Variants in DMD observed in about 807,000 individuals in gnomAD.
The protein encoded by DMD is dystrophin.
Under a neutral mutation model 330.1 loss-of-function variants are expected in DMD, and 63 were observed. The observed-to-expected ratio is 0.19, with a 90% CI of 0.16 to 0.24. The LOEUF (loss-of-function observed/expected upper bound fraction) is 0.24, where lower values mean the gene tolerates loss of function less well. DMD is among the 10% of genes least tolerant of loss of function. DMD has a pLI of 1.00. For missense variants in DMD, 3,344 were observed against 2,684.1 expected, an observed-to-expected ratio of 1.25 and a Z score of -5.43; for synonymous variants, 1,223 against 959.8, an observed-to-expected ratio of 1.27 and a Z score of -5.07.
At chrX:33,254,292 G>T (rs943768296) in intron 1 of DMD, among the ~76,000 whole-genome samples, 17 of 99,168 alleles carry the variant, frequency 1.7e-4, no homozygotes, top group African/African-American at 8.5e-4. Flanking sequence ...TTTTAAAAGA[G>T]ATTTTAAATA....
chrX:32,371,437 T>A (rs1310537964), intron 34 of DMD, among the ~76,000 whole-genome samples: 1 of 110,837 alleles, frequency 9.0e-6, no homozygotes, highest in Non-Finnish European at 1.9e-5. Flanking sequence ...AAATTTTTTT[T>A]TTCCAGAAAA....
intron 29 of DMD, among the ~76,000 whole-genome samples, chrX:32,422,766 C>A (rs2098195354): frequency 9.0e-6 from 1 of 110,910 alleles, no homozygotes; most frequent in African/African-American, 3.3e-5. Context: ...TTCCCTTTTC[C>A]ATTTATCATT....
intron 7 of DMD, among the ~76,000 whole-genome samples, chrX:32,729,271 C>T (rs1399721854): frequency 1.8e-5 from 2 of 111,533 alleles, no homozygotes; most frequent in Non-Finnish European, 3.8e-5. Flanking sequence ...ATCCAAAATC[C>T]AAAACACTTC....
chrX:32,546,904 G>A (rs1022515118), intron 16 of DMD, among the ~76,000 whole-genome samples: 1 of 111,634 alleles, frequency 9.0e-6, no homozygotes. Flanking sequence ...TGACCATTAC[G>A]TGATAAAATT....
At chrX:33,267,551 G>A (rs2053066331) in intron 1 of DMD, among the ~76,000 whole-genome samples, 1 of 110,283 alleles carries the variant, frequency 9.1e-6, no homozygotes, top group African/African-American at 3.3e-5. Flanking sequence ...GCATATAGCC[G>A]AAGCCATCCT....
rs771391138 is a variant in DMD, at chrX:31,332,829, A to G, written c.9164-9171T>C. On this transcript the variant is annotated intron_variant, in intron 61 of 78. Transcript: ENST00000357033. ...CGCTCGATACTTTTTAAAAATTCCAACTCCTACGTTTATAATTATTTTCAT... is the reference window on the plus strand; with the variant it reads ...CGCTCGATACTTTTTAAAAATTCCAGCTCCTACGTTTATAATTATTTTCAT... 7.2e-5 allele frequency among the ~76,000 whole-genome samples: 8 copies of G among 111,282 alleles called. No homozygotes were observed. In the East Asian group the frequency reaches 2.2e-3, roughly 31 times the overall value.
chrX:33,280,613 G>A (rs1006833411), intron 1 of DMD, among the ~76,000 whole-genome samples: 1 of 111,719 alleles, frequency 9.0e-6, no homozygotes, highest in Non-Finnish European at 1.9e-5. Flanking sequence ...ATTGATGTTT[G>A]TTATTTGATT....
chrX:32,039,125 A>AG (rs1170628404), intron 44 of DMD, among the ~76,000 whole-genome samples: 1 of 110,869 alleles, frequency 9.0e-6, no homozygotes, highest in South Asian at 3.9e-4. Flanking sequence ...AATGTAAAGG[A>AG]GGGGGGGATA....
At chrX:33,222,515 T>C (rs1035856683) in intron 1 of DMD, among the ~76,000 whole-genome samples, 2 of 112,492 alleles carry the variant, frequency 1.8e-5, no homozygotes, top group Non-Finnish European at 3.8e-5. Context: ...ACCACTCTTA[T>C]TCACGTACTG....
intron 1 of DMD, among the ~76,000 whole-genome samples, chrX:33,173,704 C>T (rs899005474): frequency 3.5e-4 from 39 of 110,410 alleles, no homozygotes; most frequent in African/African-American, 1.2e-3. Flanking sequence ...GCAATCCAAG[C>T]AAGATGGATA....
chrX:32,262,669 A>C (rs2097328092), intron 43 of DMD, among the ~76,000 whole-genome samples: 1 of 111,082 alleles, frequency 9.0e-6, no homozygotes, highest in Non-Finnish European at 1.9e-5. Flanking sequence ...ACCAATTACA[A>C]ATGAAGCATT....
chrX:31,231,616 G>A (rs1450207953), intron 63 of DMD, among the ~76,000 whole-genome samples: 2 of 112,424 alleles, frequency 1.8e-5, no homozygotes, highest in Admixed American at 9.4e-5. Context: ...GCGGTGGCTC[G>A]CGCCTGTAAT....
intron 43 of DMD, among the ~76,000 whole-genome samples, chrX:32,262,367 A>G (rs1017510790): frequency 4.5e-5 from 5 of 111,424 alleles, no homozygotes; most frequent in African/African-American, 1.6e-4. Flanking sequence ...GGCAGGAGAG[A>G]GTGATTACCG....
intron 9 of DMD, 106 bp from the exon 10 acceptor site, chrX:32,645,258 C>T: frequency 1.1e-6 from 1 of 870,465 alleles, no homozygotes; most frequent in South Asian, 2.4e-5. Flanking sequence ...TAGGACTGTC[C>T]ACTGGCATTA....
At chrX:31,922,751 G>A (rs2094712696) in intron 47 of DMD, among the ~76,000 whole-genome samples, 1 of 111,505 alleles carries the variant, frequency 9.0e-6, no homozygotes, top group South Asian at 3.8e-4. Context: ...GAAAAAACAC[G>A]GTTAGAAAGA....
chrX:31,281,603 A>C (rs1353259529), intron 62 of DMD, among the ~76,000 whole-genome samples: 12 of 111,822 alleles, frequency 1.1e-4, no homozygotes, highest in Non-Finnish European at 2.3e-4. Context: ...ATATGACATC[A>C]CCAATCCCTT....
chrX:31,603,299 C>G (rs1603420282), intron 55 of DMD, among the ~76,000 whole-genome samples: 2 of 111,104 alleles, frequency 1.8e-5, no homozygotes, highest in African/African-American at 6.6e-5. Flanking sequence ...GTTTATTGTG[C>G]AGCAAAATGG....
intron 1 of DMD, among the ~76,000 whole-genome samples, chrX:33,039,661 C>T (rs1366993093): frequency 4.5e-5 from 5 of 111,134 alleles, no homozygotes; most frequent in Admixed American, 9.6e-5. Context: ...TTATCTACTA[C>T]GGCCTTTCTC....
chrX:32,457,212 G>A (rs1314203450), intron 25 of DMD, among the ~76,000 whole-genome samples: 1 of 110,394 alleles, frequency 9.1e-6, no homozygotes, highest in African/African-American at 3.3e-5. Flanking sequence ...TGAATTTAGC[G>A]ATTTAGTAAT....
Sources: allele counts gnomAD v4.1 joint callset (sites outside exome capture counted in the v4.1 genomes callset), GRCh38; gene constraint gnomAD v4.1.1; transcripts MANE v1.5; gene names NCBI Gene and HGNC (gene_info 2026-07-23, HGNC 2026-07-21).